MFHAS1: variants seen among roughly 807,000 people sequenced by gnomAD.
MFHAS1 encodes multifunctional ROCO family signaling regulator 1.
In MFHAS1, 50 loss-of-function variants were observed where a neutral mutation model predicts 70.4. The ratio of observed to expected loss-of-function variants is 0.71; its 90% CI spans 0.57 to 0.90. MFHAS1 has a LOEUF of 0.90. Among genes scored for constraint, MFHAS1 ranks in the 40% least tolerant of loss-of-function variants. MFHAS1 has a pLI of 0.00. For missense variants in MFHAS1, 1,795 were observed against 1,347.6 expected, an observed-to-expected ratio of 1.33 and a Z score of -5.20; for synonymous variants, 952 against 620.0, an observed-to-expected ratio of 1.54 and a Z score of -7.96.
At chr8:8,874,823 G>GA (rs1359083505) in intron 1 of MFHAS1, among the ~76,000 whole-genome samples, 6 of 148,300 alleles carry the variant, frequency 4.0e-5, no homozygotes, top group African/African-American at 5.0e-5. Context: ...GAACAAGCTA[G>GA]AAAAAAATGC....
chr8:8,862,918 G>C (rs1008259197), intron 1 of MFHAS1, among the ~76,000 whole-genome samples: 22 of 152,136 alleles, frequency 1.4e-4, no homozygotes, highest in Non-Finnish European at 2.9e-5. Context: ...AAAAATCTTT[G>C]CCCGTCTGAA....
At chr8:8,790,109 T>C (rs143554429) in intron 2 of MFHAS1, among the ~76,000 whole-genome samples, 241 of 152,338 alleles carry the variant, frequency 1.6e-3, no homozygotes, top group Middle Eastern at 6.8e-3. Context: ...TCACTGTCTA[T>C]GCAATATCAT....
intron 2 of MFHAS1, among the ~76,000 whole-genome samples, chr8:8,793,150 T>C (rs1433595646): frequency 1.3e-5 from 2 of 151,508 alleles, no homozygotes; most frequent in African/African-American, 4.9e-5. Flanking sequence ...TGAGACAAGT[T>C]ATAAGAGTAA....
At chr8:8,801,059 T>TA (rs1234195712) in intron 1 of MFHAS1, among the ~76,000 whole-genome samples, 3 of 151,860 alleles carry the variant, frequency 2.0e-5, no homozygotes, top group Non-Finnish European at 2.9e-5. Context: ...ACTAAAAATA[T>TA]AAAAAATTAG....
intron 2 of MFHAS1, among the ~76,000 whole-genome samples, chr8:8,787,167 G>A (rs565763314): frequency 1.8e-3 from 269 of 151,094 alleles, no homozygotes; most frequent in African/African-American, 6.1e-3. Context: ...TGCAAGCTCC[G>A]CCTCCTGGGT....
At chr8:8,854,191 G>C (rs1808346423) in intron 1 of MFHAS1, among the ~76,000 whole-genome samples, 1 of 152,224 alleles carries the variant, frequency 6.6e-6, no homozygotes, top group South Asian at 2.1e-4. Context: ...GAGGTCAGGA[G>C]TTCAAGACCA....
intron 1 of MFHAS1, among the ~76,000 whole-genome samples, chr8:8,800,917 G>T (rs1215872831): frequency 1.3e-5 from 2 of 151,886 alleles, no homozygotes; most frequent in African/African-American, 4.8e-5. Context: ...CATTTTGCCA[G>T]AGAATTTGAA....
At chr8:8,845,484 G>C (rs995242277) in intron 1 of MFHAS1, among the ~76,000 whole-genome samples, 3 of 152,176 alleles carry the variant, frequency 2.0e-5, no homozygotes, top group Admixed American at 6.5e-5. Flanking sequence ...GCATCTGTGA[G>C]GCTGCCGGAA....
intron 1 of MFHAS1, among the ~76,000 whole-genome samples, chr8:8,877,179 A>C (rs1465877668): frequency 6.6e-6 from 1 of 151,802 alleles, no homozygotes; most frequent in Non-Finnish European, 1.5e-5. Context: ...ATGTACCTGT[A>C]GTCCCAACTA....
At chr8:8,799,056 C>CA (rs57830251) in intron 1 of MFHAS1, among the ~76,000 whole-genome samples, 203 of 138,458 alleles carry the variant, frequency 1.5e-3, no homozygotes, top group Middle Eastern at 7.4e-3. Flanking sequence ...TCAACAACAA[C>CA]AAAAAAAAAA....
At chr8:8,794,726 G>C (rs1181528824) in intron 2 of MFHAS1, among the ~76,000 whole-genome samples, 3 of 151,716 alleles carry the variant, frequency 2.0e-5, no homozygotes, top group African/African-American at 7.3e-5. Context: ...TCCATTTCAT[G>C]AGACTTTTTT....
At chr8:8,828,396 G>A (rs571061371) in intron 1 of MFHAS1, among the ~76,000 whole-genome samples, 2 of 152,320 alleles carry the variant, frequency 1.3e-5, no homozygotes, top group Admixed American at 6.5e-5. Context: ...GCCTCCTTGG[G>A]ACACTGCCAG....
At chr8:8,857,828 T>C (rs1280604799) in intron 1 of MFHAS1, among the ~76,000 whole-genome samples, 1 of 152,172 alleles carries the variant, frequency 6.6e-6, no homozygotes, top group African/African-American at 2.4e-5. Flanking sequence ...ACAGTGACAT[T>C]GACAAGTTAA....
intron 1 of MFHAS1, among the ~76,000 whole-genome samples, chr8:8,854,969 A>C (rs927126583): frequency 6.6e-6 from 1 of 151,956 alleles, no homozygotes; most frequent in African/African-American, 2.4e-5. Context: ...GAGTGCAGTG[A>C]TACTATCACA....
chr8:8,845,099 G>C (rs1353277181), intron 1 of MFHAS1, among the ~76,000 whole-genome samples: 2 of 152,188 alleles, frequency 1.3e-5, no homozygotes, highest in Non-Finnish European at 2.9e-5. Flanking sequence ...TCCCTTTAGA[G>C]TTACGAACAG....
At chr8:8,793,180 A>AC (rs888190428) in intron 2 of MFHAS1, among the ~76,000 whole-genome samples, 94 of 152,290 alleles carry the variant, frequency 6.2e-4, no homozygotes, top group African/African-American at 2.2e-3. Flanking sequence ...TTAAAACAAA[A>AC]AAAAAAATAT....
At chr8:8,848,596 A>G (rs539589330) in intron 1 of MFHAS1, among the ~76,000 whole-genome samples, 5 of 148,970 alleles carry the variant, frequency 3.4e-5, no homozygotes, top group Admixed American at 2.1e-4. Context: ...CCCTTTTACT[A>G]CTAACGGAGC....
At chr8:8,886,051 T>A (rs1321994173) in intron 1 of MFHAS1, among the ~76,000 whole-genome samples, 1 of 152,244 alleles carries the variant, frequency 6.6e-6, no homozygotes, top group Non-Finnish European at 1.5e-5. Context: ...TTAAATAAGA[T>A]GTCTTAAAAA....
At position 8,892,300 on chromosome 8, in the gene MFHAS1, C is replaced by T; in HGVS notation, c.759G>A (p.Glu253=). 1.9e-6 allele frequency: 3 copies of T among 1,612,680 alleles called. No individual in the cohort carries two copies. Among genetic ancestry groups the T allele is most frequent in the East Asian group, 2.2e-5 (1 of 44,874 alleles). Residue 253 remains glutamate, a synonymous_variant, in exon 1 of 3, where the codon GAG becomes GAA. Transcript: ENST00000276282. The surrounding 1 kb of genome is among the most constrained non-coding windows in gnomAD (Gnocchi z 4.7). ...GCCCGTTGTTGTCTAGCATGAGGCT[C>T]TCCAAACTGGCCAGCTCGCAGAAGC... The part of the protein sequence containing the change: ...PAGFCELASL[E]SLMLDNNGLQ...
Sources: allele counts gnomAD v4.1 joint callset (sites outside exome capture counted in the v4.1 genomes callset), GRCh38; gene constraint gnomAD v4.1.1; non-coding constraint Gnocchi (gnomAD v3.1); transcripts MANE v1.5; gene names NCBI Gene and HGNC (gene_info 2026-07-23, HGNC 2026-07-21).